PCDHGB3: variants seen among roughly 807,000 people sequenced by gnomAD.
The protein encoded by PCDHGB3 is protocadherin gamma subfamily B, 3.
In PCDHGB3, 40 loss-of-function variants were observed where a neutral mutation model predicts 59.2. The ratio of observed to expected loss-of-function variants is 0.68; its 90% CI spans 0.52 to 0.88. The LOEUF (loss-of-function observed/expected upper bound fraction) is 0.88, where lower values mean the gene tolerates loss of function less well. PCDHGB3 is among the 40% of genes least tolerant of loss of function. The pLI is 0.00. For synonymous variants in PCDHGB3, 581 were observed against 503.6 expected (o/e 1.15, Z -2.06); for missense variants, 1,309 against 1,187.9 (o/e 1.10, Z -1.50).
intron 1 of PCDHGB3, chr5:141,442,449 T>TA (rs1488731055): frequency 6.6e-6 from 1 of 152,210 alleles, no homozygotes; most frequent in African/African-American, 2.4e-5. Context: ...CAGGACTCAA[T>TA]AGCAGTTTCA....
chr5:141,478,623 GT>G (rs1337268572), intron 1 of PCDHGB3: 14 of 1,554,358 alleles, frequency 9.0e-6, no homozygotes, highest in African/African-American at 1.4e-5. Context: ...GAATGGAGCT[GT>G]TTTTTTAGTG....
intron 1 of PCDHGB3, among the ~76,000 whole-genome samples, chr5:141,373,446 C>T (rs1282910334): frequency 6.6e-6 from 1 of 152,132 alleles, no homozygotes. Flanking sequence ...TCCCTTGATC[C>T]CAGGAGGTAG....
chr5:141,390,790 G>C (rs2092232072), intron 1 of PCDHGB3: 2 of 166,124 alleles, frequency 1.2e-5, no homozygotes, highest in Admixed American at 1.2e-4. Flanking sequence ...TGTTTCAAAA[G>C]CTCTTAGAAT....
intron 1 of PCDHGB3, chr5:141,414,301 C>A (rs199806270): frequency 1.1e-5 from 18 of 1,613,280 alleles, no homozygotes; most frequent in Non-Finnish European, 1.7e-6. Flanking sequence ...TTTAAATGTG[C>A]ATGATTTAGA....
At chr5:141,481,441 T>C (rs1397908285) in intron 1 of PCDHGB3, among the ~76,000 whole-genome samples, 1 of 152,250 alleles carries the variant, frequency 6.6e-6, no homozygotes, top group East Asian at 1.9e-4. Context: ...ATCAGTTTAG[T>C]ACATGTAAAT....
rs1028782991 is a variant in PCDHGB3, at chr5:141,503,926, C to T, written c.2475-1467C>T. 2.6e-5 allele frequency among the ~76,000 whole-genome samples: 4 copies of T among 152,196 alleles called. No individual in the cohort carries two copies. The East Asian group carries it at 7.7e-4, about 29-fold the overall frequency. ...ACACACAACGCAACACACACACAGA[C>T]ATTTTCATGCCTTCAAGGCCTACCC... On this transcript the variant is annotated intron_variant, in intron 2 of 3. Coordinates refer to ENST00000576222, the MANE Select transcript of PCDHGB3 (RefSeq NM_018924.5).
At chr5:141,444,380 A>G (rs1475986922) in intron 1 of PCDHGB3, among the ~76,000 whole-genome samples, 1 of 151,876 alleles carries the variant, frequency 6.6e-6, no homozygotes, top group Non-Finnish European at 1.5e-5. Context: ...CATGTTGGTC[A>G]GGCTAGTCTT....
Position 141,491,726 on chromosome 5 carries a change from C to A in PCDHGB3, c.2416-3081C>A, listed in dbSNP as rs1018940432. ...GTGAGGGGCTCGGCGCCGCCCCGGG[C>A]GACCCCTGGGGGCGGCACTGGAGAA... On this transcript the variant is annotated intron_variant, in intron 1 of 3. Coordinates refer to ENST00000576222, the MANE Select transcript of PCDHGB3 (RefSeq NM_018924.5). This position sits in a 1 kb window ranked among gnomAD's most constrained non-coding sequence, Gnocchi z 6.9. 2.2e-5 allele frequency: 36 copies of A among 1,605,766 alleles called. No individual in the cohort carries two copies. Among genetic ancestry groups the A allele is most frequent in the African/African-American group, 4.0e-5 (3 of 74,588 alleles).
intron 1 of PCDHGB3, chr5:141,422,834 G>A (rs1450583869): frequency 3.1e-6 from 5 of 1,614,230 alleles, no homozygotes; most frequent in East Asian, 2.2e-5. Context: ...GTGATAGCAC[G>A]TGACAGCGGG....
Position 141,490,826 on chromosome 5 carries a change from T to A in PCDHGB3, c.2416-3981T>A, listed in dbSNP as rs1195265146. ...ACCTTTGACTATGAATTGCTGCAGA[T>A]GCTGCAGATTGTGGTGGGGGTTCGA... On this transcript the variant is annotated intron_variant, in intron 1 of 3. Coordinates refer to ENST00000576222, the MANE Select transcript of PCDHGB3 (RefSeq NM_018924.5). The surrounding 1 kb of genome is among the most constrained non-coding windows in gnomAD (Gnocchi z 5.4). 6.2e-7 allele frequency: 1 copy of A among 1,613,736 alleles called. No homozygotes were observed. The highest frequency in any genetic ancestry group is 8.5e-7 in the Non-Finnish European group (1 of 1,179,796).
At position 141,511,211 on chromosome 5, in the gene PCDHGB3, C is replaced by G; in HGVS notation, c.*38C>G. ...GCCAAGAGCCACAGGGCGGCCTCTC[C>G]CCAACCAGCCCAGCTTCTCCTTACC... On this transcript the variant is annotated 3_prime_UTR_variant, in exon 4 of 4. Transcript: ENST00000576222. The G allele has an allele frequency of 6.2e-7, 1 of 1,608,626 alleles. No individual in the cohort carries two copies. The highest frequency in any genetic ancestry group is 8.5e-7 in the Non-Finnish European group (1 of 1,177,476).
At position 141,423,166 on chromosome 5, in the gene PCDHGB3, G is replaced by A. The variant is rs367805855; in HGVS notation, c.2415+50357G>A. ...GCTCAAGCAGAGCCTCGTGGTGGCC[G>A]TCCAGGACCACGGCCAGCCCCCTCT... On this transcript the variant is annotated intron_variant, in intron 1 of 3. Transcript: ENST00000576222. 2.4e-5 allele frequency: 38 copies of A among 1,613,476 alleles called. No individual in the cohort carries two copies. The South Asian group carries it at 2.5e-4, about 11-fold the overall frequency.
At chr5:141,393,082 TAGATCGGG>T in intron 1 of PCDHGB3, 1 of 1,613,652 alleles carries the variant, frequency 6.2e-7, no homozygotes, top group Non-Finnish European at 8.5e-7. Flanking sequence ...GCGGGCAGGA[TAGATCGGG>T]AGGAGCTCTG....
chr5:141,420,225 C>G, intron 1 of PCDHGB3: 1 of 1,603,470 alleles, frequency 6.2e-7, no homozygotes. Flanking sequence ...ATGCTACTGG[C>G]TAGCATTTTA....
In PCDHGB3 at chr5:141,421,687, G is replaced by C. The variant is rs763146085; in HGVS notation, c.2415+48878G>C. On this transcript the variant is annotated intron_variant, in intron 1 of 3. Coordinates refer to ENST00000576222, the MANE Select transcript of PCDHGB3 (RefSeq NM_018924.5). ...GCACGCAATTCCTGGGGCGCGATTT[G>C]CTCTTCCTAATGCTAGGGATCCAGA... 1.3e-5 allele frequency: 21 copies of C among 1,613,788 alleles called. No individual in the cohort carries two copies. Among genetic ancestry groups the C allele is most frequent in the Non-Finnish European group, 1.8e-5 (21 of 1,179,860 alleles).
At chr5:141,383,465 C>A (rs199737560) in intron 1 of PCDHGB3, 8 of 1,613,792 alleles carry the variant, frequency 5.0e-6, no homozygotes, top group Non-Finnish European at 5.9e-6. Context: ...GACGATGAAA[C>A]TAAGTACCCG....
In PCDHGB3 at chr5:141,408,733, T is replaced by C. The variant is rs753545231; in HGVS notation, c.2415+35924T>C. The C allele has an allele frequency of 7.5e-6, 12 of 1,610,158 alleles. No individual in the cohort carries two copies. The South Asian group carries it at 1.3e-4, about 18-fold the overall frequency. Reference sequence around the variant, plus strand: ...ATTATAAGATAAACTCTAATCCTTATTTTTCATTAATGGTTAGAGTTAATT... The same window carrying C: ...ATTATAAGATAAACTCTAATCCTTACTTTTCATTAATGGTTAGAGTTAATT... On this transcript the variant is annotated intron_variant, in intron 1 of 3. Transcript: ENST00000576222.
At chr5:141,498,971 GGGAAGGAAGGAAGGAAGGAA>G (rs201769957) in intron 2 of PCDHGB3, among the ~76,000 whole-genome samples, 1,566 of 111,048 alleles carry the variant, frequency 0.014, 32 homozygotes, top group African/African-American at 0.048. Flanking sequence ...GAGGGAGGGA[GGGAAGGAAGGAAGGAAGGAA>G]GGAAGGAAGG....
chr5:141,427,693 C>A, intron 1 of PCDHGB3: 2 of 909,726 alleles, frequency 2.2e-6, no homozygotes, highest in East Asian at 2.5e-5. Context: ...GCCTCCATCC[C>A]ACAAGTCAGC....
Sources: allele counts gnomAD v4.1 joint callset (sites outside exome capture counted in the v4.1 genomes callset), GRCh38; gene constraint gnomAD v4.1.1; non-coding constraint Gnocchi (gnomAD v3.1); transcripts MANE v1.5; gene names NCBI Gene and HGNC (gene_info 2026-07-23, HGNC 2026-07-21).